Variants in AGBL1 observed in about 807,000 individuals in gnomAD.
AGBL1 encodes AGBL carboxypeptidase 1.
Under a neutral mutation model 118.9 loss-of-function variants are expected in AGBL1, and 130 were observed. That is an observed-to-expected ratio of 1.09 (90% CI 0.95 to 1.26). The LOEUF (loss-of-function observed/expected upper bound fraction) is 1.26. Ranked by LOEUF, AGBL1 falls within the 50% of genes most tolerant of loss-of-function variation. AGBL1 has a pLI of 0.00. For synonymous variants in AGBL1, 555 were observed against 478.9 expected (o/e 1.16, Z -2.08); for missense variants, 1,584 against 1,298.1 (o/e 1.22, Z -3.38).
At chr15:86,319,045 G>C (rs2080064159) in intron 17 of AGBL1, among the ~76,000 whole-genome samples, 2 of 152,086 alleles carry the variant, frequency 1.3e-5, no homozygotes, top group South Asian at 2.1e-4. Flanking sequence ...TTTCTTCATT[G>C]CTATATAATA....
At chr15:86,595,863 A>G (rs542145392) in intron 21 of AGBL1, among the ~76,000 whole-genome samples, 6 of 152,078 alleles carry the variant, frequency 3.9e-5, no homozygotes, top group Admixed American at 3.9e-4. Flanking sequence ...TTGGAGATGA[A>G]TTCATAGAGT....
intron 22 of AGBL1, among the ~76,000 whole-genome samples, chr15:86,787,548 C>G (rs1304893577): frequency 6.6e-6 from 1 of 152,054 alleles, no homozygotes; most frequent in Non-Finnish European, 1.5e-5. Flanking sequence ...AGCTTTTTTC[C>G]CTTAGCATGT....
At chr15:86,845,639 G>T (rs1289236746) in intron 22 of AGBL1, among the ~76,000 whole-genome samples, 1 of 152,188 alleles carries the variant, frequency 6.6e-6, no homozygotes, top group Admixed American at 6.5e-5. Flanking sequence ...ATCTGAAAGA[G>T]TTGGTGAAAG....
chr15:86,596,840 C>A (rs1272260008), intron 21 of AGBL1, among the ~76,000 whole-genome samples: 1 of 152,104 alleles, frequency 6.6e-6, no homozygotes, highest in East Asian at 1.9e-4. Context: ...CCCTATTACT[C>A]ATCAACTTCT....
At chr15:86,209,243 G>A (rs1228858098) in intron 5 of AGBL1, among the ~76,000 whole-genome samples, 1 of 152,158 alleles carries the variant, frequency 6.6e-6, no homozygotes, top group African/African-American at 2.4e-5. Context: ...CAATTATGTG[G>A]TCTATTTTAG....
Position 86,641,413 on chromosome 15 carries a change from T to TA in AGBL1, c.2995-32850dup, listed in dbSNP as rs893733278. Among the ~76,000 whole-genome samples the TA allele has an allele frequency of 7.9e-4, 118 of 149,674 alleles. 1 individual carries two copies. The highest frequency in any genetic ancestry group is 3.4e-3 in the Middle Eastern group (1 of 292). ...CTAGTTTCTACCACTCAATTTTTTT[T>TA]AAAAAAAAAAGCAGTGCCGGTAGTT... is the stretch of plus-strand genomic sequence containing the variant. On this transcript the variant is annotated intron_variant, in intron 21 of 22. Coordinates refer to ENST00000614907, the MANE Select transcript of AGBL1 (RefSeq NM_001386094.1).
intron 22 of AGBL1, among the ~76,000 whole-genome samples, chr15:86,691,806 A>G (rs1255903896): frequency 6.6e-6 from 1 of 152,188 alleles, no homozygotes; most frequent in Non-Finnish European, 1.5e-5. Context: ...TGGTACATTA[A>G]CTATGATCCA....
intron 22 of AGBL1, among the ~76,000 whole-genome samples, chr15:86,824,739 T>C (rs2078984359): frequency 6.6e-6 from 1 of 152,034 alleles, no homozygotes; most frequent in African/African-American, 2.4e-5. Context: ...AATAGACACA[T>C]ATAGATCAAT....
intron 23 of AGBL1, among the ~76,000 whole-genome samples, chr15:86,951,611 G>A (rs2080881347): frequency 6.6e-6 from 1 of 152,046 alleles, no homozygotes. Flanking sequence ...CTTGTCTGTG[G>A]GATTAGAAGT....
chr15:86,217,197 C>T (rs1315883112), intron 5 of AGBL1, among the ~76,000 whole-genome samples: 2 of 152,046 alleles, frequency 1.3e-5, no homozygotes, highest in Non-Finnish European at 2.9e-5. Flanking sequence ...CTATTTCTTT[C>T]ACTTTAATTC....
chr15:86,839,622 G>A (rs1484480990), intron 22 of AGBL1, among the ~76,000 whole-genome samples: 2 of 152,124 alleles, frequency 1.3e-5, no homozygotes, highest in Non-Finnish European at 2.9e-5. Context: ...TTATATGTCA[G>A]TTGCAGACTC....
chr15:86,110,977 CTAATG>C (rs1221166166), intron 1 of AGBL1, among the ~76,000 whole-genome samples: 1 of 152,130 alleles, frequency 6.6e-6, no homozygotes, highest in Non-Finnish European at 1.5e-5. Flanking sequence ...GCTACAATTA[CTAATG>C]TGACAGGCCT....
rs2081448364 is a variant in AGBL1, at chr15:87,002,291, T to C, written c.3323+14203T>C. Among the ~76,000 whole-genome samples, 5 of 152,032 alleles carry C rather than the reference T, an allele frequency of 3.3e-5. No homozygotes were observed. In the South Asian group the frequency reaches 1.0e-3, roughly 31 times the overall value. ...TTGTCAAAGATCAGATAGTTGTAGA[T>C]GTGTGGTATTATTTCTGAGGGCTCT... On this transcript the variant is annotated intron_variant, in intron 24 of 24. Transcript: ENST00000441037.
chr15:86,140,145 CA>C, intron 1 of AGBL1: 1 of 159,394 alleles, frequency 6.3e-6, no homozygotes, highest in Admixed American at 6.3e-5. Flanking sequence ...TCTTCACCCT[CA>C]GGGGGGTACT....
At chr15:86,769,762 A>T (rs1166649694) in intron 22 of AGBL1, among the ~76,000 whole-genome samples, 1 of 152,008 alleles carries the variant, frequency 6.6e-6, no homozygotes, top group African/African-American at 2.4e-5. Context: ...CCAGTAGCAG[A>T]AGTTTGAAAT....
chr15:86,418,842 G>T (rs2081741509), intron 18 of AGBL1, among the ~76,000 whole-genome samples: 1 of 152,098 alleles, frequency 6.6e-6, no homozygotes, highest in Non-Finnish European at 1.5e-5. Flanking sequence ...TAGTCTGGGG[G>T]TGTGAAACTG....
intron 17 of AGBL1, among the ~76,000 whole-genome samples, chr15:86,365,655 C>G (rs1017765274): frequency 1.3e-5 from 2 of 150,714 alleles, no homozygotes. Flanking sequence ...TTTTTTAGCC[C>G]TTTTTCTCAC....
At chr15:86,381,878 T>C (rs1243109780) in intron 17 of AGBL1, among the ~76,000 whole-genome samples, 1 of 152,162 alleles carries the variant, frequency 6.6e-6, no homozygotes, top group Admixed American at 6.5e-5. Context: ...AGGCAGATCA[T>C]GAAGGGCCTT....
At chr15:86,140,398 G>T (rs1249248439) in intron 1 of AGBL1, among the ~76,000 whole-genome samples, 1 of 152,038 alleles carries the variant, frequency 6.6e-6, no homozygotes, top group Non-Finnish European at 1.5e-5. Context: ...CTTTGGGGAT[G>T]TTGTTGGACT....
Sources: allele counts gnomAD v4.1 joint callset (sites outside exome capture counted in the v4.1 genomes callset), GRCh38; gene constraint gnomAD v4.1.1; transcripts MANE v1.5; gene names NCBI Gene and HGNC (gene_info 2026-07-23, HGNC 2026-07-21).